REEP1: variants seen among roughly 807,000 people sequenced by gnomAD.
The protein encoded by REEP1 is receptor accessory protein 1, also known as receptor expression-enhancing protein 1.
REEP1 carries 22 observed loss-of-function variants against 40.3 expected under a neutral mutation model. That is an observed-to-expected ratio of 0.55 (90% CI 0.39 to 0.78). The LOEUF (loss-of-function observed/expected upper bound fraction) is 0.78, where lower values mean the gene tolerates loss of function less well. REEP1 is among the 30% of genes least tolerant of loss of function. The pLI is 0.00. For missense variants in REEP1, 280 were observed against 361.1 expected, an observed-to-expected ratio of 0.78 and a Z score of 1.82; for synonymous variants, 116 against 139.2, an observed-to-expected ratio of 0.83 and a Z score of 1.17.
At chr2:86,296,886 T>A (rs1249844855) in intron 1 of REEP1, among the ~76,000 whole-genome samples, 1 of 152,166 alleles carries the variant, frequency 6.6e-6, no homozygotes, top group Non-Finnish European at 1.5e-5. Flanking sequence ...GATTGTCTAA[T>A]ACATCAGTTC....
chr2:86,288,827 C>T (rs1286592659), intron 1 of REEP1, among the ~76,000 whole-genome samples: 1 of 151,920 alleles, frequency 6.6e-6, no homozygotes, highest in African/African-American at 2.4e-5. Flanking sequence ...AAATGGTATC[C>T]CATGTTTGTT....
chr2:86,229,349 C>T (rs1389547432), intron 6 of REEP1, among the ~76,000 whole-genome samples: 2 of 152,206 alleles, frequency 1.3e-5, no homozygotes, highest in African/African-American at 4.8e-5. Flanking sequence ...CGGCATCACC[C>T]AGCCAGGATG....
chr2:86,220,078 C>T lies in REEP1; in HGVS notation c.675G>A (p.Glu225=). Residue 225 remains glutamate (E), a synonymous_variant, in exon 8 of 9, where the codon GAG becomes GAA. Coordinates refer to ENST00000538924, the MANE Select transcript of REEP1 (RefSeq NM_001371279.1). ...CCAATGGGTTTTGGACCTGGTGGGG[C>T]TCCCATGCCTTCATACCACCCTCAT... ...DVNEGGMKAW[E]PHQVQNPLAF... is the part of the protein sequence containing the mutation. 3 of 1,232,178 alleles carry T rather than the reference C, an allele frequency of 2.4e-6. No individual in the cohort carries two copies. Among genetic ancestry groups the T allele is most frequent in the Non-Finnish European group, 3.0e-6 (3 of 987,988 alleles). The allele number at this position is 1,232,178 out of a possible 1,614,324, so 76.3% of individuals were successfully genotyped here. A position where few individuals can be genotyped will look rare whatever the true frequency, so the allele number is the denominator to read the frequency against.
At chr2:86,218,048 C>T (rs753304659) in intron 8 of REEP1, among the ~76,000 whole-genome samples, 3 of 152,110 alleles carry the variant, frequency 2.0e-5, no homozygotes, top group Non-Finnish European at 4.4e-5. Flanking sequence ...TCTTTCTCTA[C>T]ACTGTGCCCA....
Position 86,263,987 on chromosome 2 carries a change from A to T in REEP1, c.160T>A (p.Phe54Ile). ...IFALFTTAET[F>I]TDIFLCWFPF... ...TACCAACAAAGGAAGATGTCTGTGA[A>T]TGTCTCTGCTGTGGTGAAAAGTGCA... The change falls in exon 3 of 9, where the codon TTC becomes ATC. Residue 54 changes from phenylalanine (F) to isoleucine (I), a missense_variant. By Grantham distance (21) the Phe-to-Ile change is conservative (BLOSUM62 0). Coordinates refer to ENST00000538924, the MANE Select transcript of REEP1 (RefSeq NM_001371279.1). The T allele has an allele frequency of 6.2e-7, 1 of 1,613,470 alleles. No individual in the cohort carries two copies. The highest frequency in any genetic ancestry group is 1.1e-5 in the South Asian group (1 of 91,060).
chr2:86,220,214 G>GCA (rs1674341887), intron 7 of REEP1, 93 bp from the exon 8 acceptor site: 1 of 884,794 alleles, frequency 1.1e-6, no homozygotes, highest in Admixed American at 4.3e-5. Context: ...TAGGCACACA[G>GCA]CACAGCAAAC....
At chr2:86,307,790 T>C (rs1160432937) in intron 1 of REEP1, among the ~76,000 whole-genome samples, 25 of 151,962 alleles carry the variant, frequency 1.6e-4, no homozygotes, top group Non-Finnish European at 2.9e-5. Flanking sequence ...AACAGAAGAC[T>C]TTCTATTACG....
At chr2:86,318,677 C>T (rs573919174) in intron 1 of REEP1, among the ~76,000 whole-genome samples, 3 of 152,126 alleles carry the variant, frequency 2.0e-5, no homozygotes, top group African/African-American at 7.2e-5. Context: ...GGATTACAGG[C>T]GTGAGCCACT....
rs761442165 is a variant in REEP1 at position 86,254,677 on chromosome 2, A to T, written c.303+17T>A. 6.2e-7 allele frequency: 1 copy of T among 1,611,160 alleles called. No individual in the cohort carries two copies. Among genetic ancestry groups the T allele is most frequent in the Non-Finnish European group, 8.5e-7 (1 of 1,177,368 alleles). On this transcript the variant is annotated intron_variant, in intron 4 of 8. Transcript: ENST00000538924. ...TCACTTGCTAGAAAGAATGAAAGAC[A>T]TGGCAGCATATATTACCTTTTCTTT...
At chr2:86,279,782 C>A (rs1158768581) in intron 2 of REEP1, among the ~76,000 whole-genome samples, 2 of 152,200 alleles carry the variant, frequency 1.3e-5, no homozygotes, top group Admixed American at 6.5e-5. Context: ...GGCAAGGACA[C>A]AGCCTCTCCC....
chr2:86,312,780 C>T (rs1180867199), intron 1 of REEP1, among the ~76,000 whole-genome samples: 1 of 152,218 alleles, frequency 6.6e-6, no homozygotes, highest in Non-Finnish European at 1.5e-5. Context: ...TTCAATGCAA[C>T]ATCTGACATA....
In REEP1 at chr2:86,264,211, G is replaced by T. The variant is rs17027112; in HGVS notation, c.106-170C>A. On this transcript the variant is annotated intron_variant, in intron 2 of 8. Transcript: ENST00000538924. ...CCAGCTTATGTCCAGTTCTGCTCCA[G>T]ATCTTGAAGCTGGAAGCAAATGGGC... Among the ~76,000 whole-genome samples, 5,815 of 152,256 alleles carry T rather than the reference G, an allele frequency of 0.038. 388 individuals carry two copies. Among genetic ancestry groups the T allele is most frequent in the African/African-American group, 0.13 (5,521 of 41,506 alleles).
intron 6 of REEP1, among the ~76,000 whole-genome samples, chr2:86,230,294 G>A (rs941805689): frequency 4.6e-5 from 7 of 152,242 alleles, no homozygotes; most frequent in African/African-American, 1.2e-4. Flanking sequence ...CCAGCTTCTT[G>A]CATTCCCAGT....
intron 3 of REEP1, among the ~76,000 whole-genome samples, chr2:86,257,305 C>A (rs993130157): frequency 4.6e-5 from 7 of 150,676 alleles, no homozygotes; most frequent in African/African-American, 1.7e-4. Context: ...TAAAAGATGT[C>A]TTTTAAAAAA....
chr2:86,252,356 T>C (rs1451813760), intron 4 of REEP1, among the ~76,000 whole-genome samples: 2 of 152,172 alleles, frequency 1.3e-5, no homozygotes, highest in African/African-American at 4.8e-5. Flanking sequence ...GTTCTGGATA[T>C]GGACAGCCTT....
intron 8 of REEP1, among the ~76,000 whole-genome samples, 162 bp downstream of exon 8, chr2:86,219,808 A>T (rs931583214): frequency 3.3e-5 from 5 of 152,132 alleles, no homozygotes; most frequent in African/African-American, 1.2e-4. Flanking sequence ...GCTGGATGCT[A>T]TCCAGTGACT....
chr2:86,251,712 A>G, intron 5 of REEP1: 1 of 557,068 alleles, frequency 1.8e-6, no homozygotes, highest in South Asian at 2.0e-5. Flanking sequence ...CCTGGGACGC[A>G]CAGATGAGCT....
At chr2:86,275,084 C>G (rs1438382612) in intron 2 of REEP1, among the ~76,000 whole-genome samples, 1 of 152,186 alleles carries the variant, frequency 6.6e-6, no homozygotes, top group Non-Finnish European at 1.5e-5. Flanking sequence ...CCTTTCACAC[C>G]CTCTTGCATC....
intron 1 of REEP1, among the ~76,000 whole-genome samples, chr2:86,295,794 C>T (rs1337665087): frequency 1.3e-5 from 2 of 152,192 alleles, no homozygotes; most frequent in Non-Finnish European, 2.9e-5. Context: ...CCGCCTTGGC[C>T]TCCCAAGGTG....
Sources: allele counts gnomAD v4.1 joint callset (sites outside exome capture counted in the v4.1 genomes callset), GRCh38; gene constraint gnomAD v4.1.1; transcripts MANE v1.5; gene names NCBI Gene and HGNC (gene_info 2026-07-23, HGNC 2026-07-21).